The following PPP5C variants were observed in gnomAD, a reference collection of about 807,000 sequenced individuals.
PPP5C encodes protein phosphatase 5 catalytic subunit.
In PPP5C, 21 loss-of-function variants were observed where a neutral mutation model predicts 66.7. That is an observed-to-expected ratio of 0.31 (90% CI 0.22 to 0.45). The LOEUF is 0.45. Among genes scored for constraint, PPP5C ranks in the 20% least tolerant of loss-of-function variants. PPP5C has a pLI of 1.00. For synonymous variants in PPP5C, 246 were observed against 257.4 expected (o/e 0.96, Z 0.43); for missense variants, 464 against 675.9 (o/e 0.69, Z 3.48).
Position 46,388,461 on chromosome 19 carries a change from TG to T in PPP5C, c.1176+17del, listed in dbSNP as rs1457000114. 6.2e-7 allele frequency: 1 copy of T among 1,611,348 alleles called. No individual in the cohort carries two copies. The highest frequency in any genetic ancestry group is 2.2e-5 in the East Asian group (1 of 44,786). On this transcript the variant is annotated intron_variant, in intron 10 of 12. Transcript: ENST00000012443. This position sits in a 1 kb window ranked among gnomAD's most constrained non-coding sequence, Gnocchi z 4.9. ...TCCACAGCCACAGGTGAGTCTAGGG[TG>T]GGGTGCAGGGCCGGCGGGTGTGGGC...
At chr19:46,362,242 T>C (rs967014622) in intron 2 of PPP5C, among the ~76,000 whole-genome samples, 5 of 152,224 alleles carry the variant, frequency 3.3e-5, no homozygotes, top group African/African-American at 1.2e-4. Context: ...CTGTTAGTCA[T>C]GTAGCAGTAA....
intron 2 of PPP5C, among the ~76,000 whole-genome samples, chr19:46,359,348 A>C (rs754840784): frequency 6.6e-6 from 1 of 152,220 alleles, no homozygotes; most frequent in African/African-American, 2.4e-5. Context: ...AGTAATTTAA[A>C]TAGTAGAAAT....
At chr19:46,364,079 A>T (rs889600671) in intron 2 of PPP5C, among the ~76,000 whole-genome samples, 7 of 152,206 alleles carry the variant, frequency 4.6e-5, no homozygotes, top group African/African-American at 9.6e-5. Context: ...TCCATAAAGC[A>T]ATTAAGTTTT....
At chr19:46,349,861 A>C (rs1972152031) in intron 1 of PPP5C, among the ~76,000 whole-genome samples, 2 of 151,850 alleles carry the variant, frequency 1.3e-5, no homozygotes, top group African/African-American at 2.4e-5. Context: ...GCAGGGAAAA[A>C]AAAAACAAAA....
chr19:46,355,632 A>C (rs142317560), intron 2 of PPP5C, among the ~76,000 whole-genome samples: 330 of 152,110 alleles, frequency 2.2e-3, no homozygotes, highest in Admixed American at 5.2e-3. Flanking sequence ...TGGGCTCCCA[A>C]GCCATTCTTG....
Position 46,376,416 on chromosome 19 carries a change from G to A in PPP5C, c.512-37G>A, listed in dbSNP as rs1159662605. 6.2e-7 allele frequency: 1 copy of A among 1,607,938 alleles called. No homozygotes were observed. The highest frequency in any genetic ancestry group is 8.5e-7 in the Non-Finnish European group (1 of 1,176,322). On this transcript the variant is annotated intron_variant, in intron 3 of 12. Coordinates refer to ENST00000012443, the MANE Select transcript of PPP5C (RefSeq NM_006247.4). This position sits in a 1 kb window ranked among gnomAD's most constrained non-coding sequence, Gnocchi z 5.1. ...CCCCCTTCTCCCTCATAGTGGCTGT[G>A]GTCACTGACTCTCGTGTCCCGTTGT...
intron 2 of PPP5C, 112 bp from the exon 3 acceptor site, chr19:46,375,492 C>T (rs1303212303): frequency 1.3e-5 from 19 of 1,456,818 alleles, no homozygotes; most frequent in Admixed American, 2.3e-5. Context: ...CAGCACCTGG[C>T]GCCCAGGCGG....
chr19:46,357,218 G>T (rs1454207811), intron 2 of PPP5C, among the ~76,000 whole-genome samples: 4 of 152,204 alleles, frequency 2.6e-5, no homozygotes, highest in Non-Finnish European at 4.4e-5. Flanking sequence ...CGGGTAATTT[G>T]TGTAATTTTT....
intron 7 of PPP5C, chr19:46,386,882 T>G: frequency 1.5e-6 from 1 of 661,244 alleles, no homozygotes; most frequent in Non-Finnish European, 2.5e-6. Flanking sequence ...GTGCTGGAAT[T>G]ATAGGCGTGA....
Position 46,347,131 on chromosome 19 carries a change from C to T in PPP5C, c.35C>T (p.Ala12Val). ...AMAEGERTEC[A>V]EPPRDEPPAD... is the part of the protein sequence containing the mutation. ...GCGGAGGGCGAGAGGACTGAGTGTG[C>T]TGAGCCCCCCCGGGACGAACCCCCG... The change falls in exon 1 of 13, where the codon GCT becomes GTT. Residue 12 changes from alanine to valine, a missense_variant. Transcript: ENST00000012443. The T allele has an allele frequency of 6.2e-7, 1 of 1,604,986 alleles. No homozygotes were observed. The highest frequency in any genetic ancestry group is 8.5e-7 in the Non-Finnish European group (1 of 1,176,124).
intron 1 of PPP5C, 35 bp downstream of exon 1, chr19:46,347,252 C>T (rs755505469): frequency 1.3e-6 from 2 of 1,580,016 alleles, no homozygotes; most frequent in Admixed American, 1.8e-5. Context: ...GGACAGTGGC[C>T]CAGGCTGAGG....
chr19:46,390,119 A>T lies in PPP5C; in HGVS notation c.1424A>T (p.Gln475Leu). The T allele has an allele frequency of 1.2e-6, 2 of 1,613,834 alleles. No homozygotes were observed. Among genetic ancestry groups the T allele is most frequent in the South Asian group, 2.2e-5 (2 of 91,070 alleles). Residue 475 changes from glutamine (Q) to leucine (L), a missense_variant, in exon 12 of 13, where the codon CAG becomes CTG. Coordinates refer to ENST00000012443, the MANE Select transcript of PPP5C (RefSeq NM_006247.4). ...QGSDLRPQFH[Q>L]FTAVPHPNVK... ...TCTGACCTACGGCCTCAGTTCCACC[A>T]GTTCACAGCAGTGGTGAGTCACCCC...
Position 46,387,395 on chromosome 19 carries a change from C to G in PPP5C, c.1077C>G (p.Asp359Glu), listed in dbSNP as rs750800832. The G allele has an allele frequency of 1.2e-6, 2 of 1,611,098 alleles. No homozygotes were observed. Among genetic ancestry groups the G allele is most frequent in the South Asian group, 2.2e-5 (2 of 90,948 alleles). The change falls in exon 9 of 13, where the codon GAC (aspartate) becomes GAG (glutamate). Residue 359 changes from aspartate to glutamate, a missense_variant. Around this residue, in one of 2 missense-constraint regions of PPP5C, gnomAD observed 387 missense variants for 626.0 expected, o/e 0.62. Transcript: ENST00000012443. ...TGCACGGAGGCCTGTTCAGTGAAGA[C>G]GGTGTCACCCTGGATGACATCCGGA... The part of the protein sequence containing the change: ...LIMHGGLFSE[D>E]GVTLDDIRKI...
chr19:46,374,034 T>G (rs1972646116), intron 2 of PPP5C, among the ~76,000 whole-genome samples: 1 of 152,124 alleles, frequency 6.6e-6, no homozygotes, highest in African/African-American at 2.4e-5. Context: ...CAGCCGGGTG[T>G]GGGCACATAA....
chr19:46,377,923 A>G (rs1481680389), intron 4 of PPP5C, among the ~76,000 whole-genome samples: 1 of 152,186 alleles, frequency 6.6e-6, no homozygotes, highest in East Asian at 1.9e-4. Context: ...TAGCTTTTAT[A>G]AGTATAAGCT....
chr19:46,356,029 C>T (rs1005862852), intron 2 of PPP5C, among the ~76,000 whole-genome samples: 1 of 152,166 alleles, frequency 6.6e-6, no homozygotes, highest in African/African-American at 2.4e-5. Context: ...CTGGCCCAGT[C>T]TAGGGCCCAA....
Position 46,390,679 on chromosome 19 carries a change from A to G in PPP5C, c.*333A>G. 6.5e-6 allele frequency: 8 copies of G among 1,222,924 alleles called. No homozygotes were observed. The highest frequency in any genetic ancestry group is 8.3e-6 in the Non-Finnish European group (8 of 966,500). 75.8% of individuals were successfully genotyped at this position (1,222,924 alleles called of 1,614,324 possible). Reference sequence around the variant, plus strand: ...CATTTGCATGGCTCCTCCCCCACTCAAGCAATAGGGCCCCGCCATAGGAAG... The same window carrying G: ...CATTTGCATGGCTCCTCCCCCACTCGAGCAATAGGGCCCCGCCATAGGAAG... On this transcript the variant is annotated 3_prime_UTR_variant, in exon 13 of 13. Coordinates refer to ENST00000012443, the MANE Select transcript of PPP5C (RefSeq NM_006247.4).
chr19:46,386,430 A>T (rs1972888196), intron 7 of PPP5C, among the ~76,000 whole-genome samples: 1 of 152,062 alleles, frequency 6.6e-6, no homozygotes, highest in Non-Finnish European at 1.5e-5. Context: ...GCCTCGTTGC[A>T]GGAGGCAACA....
rs375514454 is a variant in PPP5C, at chr19:46,390,641, G to A, written c.*295G>A. 8.5e-6 allele frequency: 11 copies of A among 1,289,154 alleles called. No individual in the cohort carries two copies. The highest frequency in any genetic ancestry group is 8.1e-5 in the South Asian group (5 of 61,584). 79.9% of individuals were successfully genotyped at this position (1,289,154 alleles called of 1,614,324 possible). On this transcript the variant is annotated 3_prime_UTR_variant, in exon 13 of 13. Coordinates refer to ENST00000012443, the MANE Select transcript of PPP5C (RefSeq NM_006247.4). ...CGGGGTGGGGTGGGGCCGAGTGGCT[G>A]CCCTGCCCCCCTCATTTGCATGGCT...
Sources: allele counts gnomAD v4.1 joint callset (sites outside exome capture counted in the v4.1 genomes callset), GRCh38; gene constraint gnomAD v4.1.1; regional missense constraint gnomAD v4.1.1; non-coding constraint Gnocchi (gnomAD v3.1); transcripts MANE v1.5; gene names NCBI Gene and HGNC (gene_info 2026-07-23, HGNC 2026-07-21).